IRF2BP2: variants seen among roughly 807,000 people sequenced by gnomAD.
The protein encoded by IRF2BP2 is interferon regulatory factor 2-binding protein 2.
Under a neutral mutation model 32.7 loss-of-function variants are expected in IRF2BP2, and 13 were observed. That is an observed-to-expected ratio of 0.40 (90% confidence interval 0.26 to 0.63). IRF2BP2 has a LOEUF of 0.63. IRF2BP2 is among the 30% of genes least tolerant of loss of function. The pLI is 0.42. For missense variants in IRF2BP2, 980 were observed against 830.6 expected, an observed-to-expected ratio of 1.18 and a Z score of -2.21; for synonymous variants, 555 against 384.6, an observed-to-expected ratio of 1.44 and a Z score of -5.18.
At position 234,608,680 on chromosome 1, in the gene IRF2BP2, C is replaced by A. The variant is rs781552801; in HGVS notation, c.815G>T (p.Ser272Ile). 6.6e-7 allele frequency: 1 copy of A among 1,514,318 alleles called. No homozygotes were observed. Among genetic ancestry groups the A allele is most frequent in the Non-Finnish European group, 8.8e-7 (1 of 1,141,976 alleles). The allele number at this position is 1,514,318 out of a possible 1,614,324, so 93.8% of individuals were successfully genotyped here. A position where few individuals can be genotyped will look rare whatever the true frequency, so the allele number is the denominator to read the frequency against. ...PPPAHRGPAD[S>I]LSTAAGAAEL... ...GGCGGCCCCGGCCGCGGTGGACAGG[C>A]TGTCGGCCGGGCCCCGGTGCGCAGG... The change falls in exon 1 of 2, where the codon AGC (serine) becomes ATC (isoleucine). Residue 272 changes from serine (S) to isoleucine (I), a missense_variant. Physicochemically the swap from Ser to Ile is moderately radical, Grantham distance 142 (BLOSUM62 -2). Coordinates refer to ENST00000366609, the MANE Select transcript of IRF2BP2 (RefSeq NM_182972.3).
At position 234,607,366 on chromosome 1, in the gene IRF2BP2, C is replaced by T. The variant is rs775149952; in HGVS notation, c.1535G>A (p.Arg512Gln). ...APLCCTLCHE[R>Q]LEDTHFVQCP... ...CTGCACAAAATGGGTGTCCTCCAGC[C>T]GCTCGTGGCAGAGGGTGCAGCACAG... The change falls in exon 2 of 2, where the codon CGG becomes CAG. Residue 512 changes from arginine to glutamine, a missense_variant. Physicochemically the swap from Arg to Gln is conservative, Grantham distance 43. Transcript: ENST00000366609. 10 of 1,614,190 alleles carry T rather than the reference C, an allele frequency of 6.2e-6. No individual in the cohort carries two copies. Among genetic ancestry groups the T allele is most frequent in the Non-Finnish European group, 8.5e-6 (10 of 1,180,030 alleles).
Position 234,606,520 on chromosome 1 carries a change from T to A in IRF2BP2, c.*617A>T, listed in dbSNP as rs1437521603. 2 of 151,518 alleles carry A rather than the reference T, an allele frequency of 1.3e-5. No homozygotes were observed. Among genetic ancestry groups the A allele is most frequent in the Non-Finnish European group, 2.9e-5 (2 of 67,990 alleles). 9.4% of individuals were successfully genotyped at this position (151,518 alleles called of 1,614,324 possible). ...AATCCTGAAAATTTCCCAGCAGCAC[T>A]CTCAGTCATCAGTATCTCAGGAACT... On this transcript the variant is annotated 3_prime_UTR_variant, in exon 2 of 2. Coordinates refer to ENST00000366609, the MANE Select transcript of IRF2BP2 (RefSeq NM_182972.3).
rs2102766373 is a variant in IRF2BP2 at position 234,604,845 on chromosome 1, A to C, written c.*2292T>G. ...TTTTAACTTAAAAGAATGCCAGAAA[A>C]CCCAGATCAACACTTTCCAGCTACG... is the stretch of plus-strand genomic sequence containing the variant. On this transcript the variant is annotated 3_prime_UTR_variant, in exon 2 of 2. Coordinates refer to ENST00000366609, the MANE Select transcript of IRF2BP2 (RefSeq NM_182972.3). 6.6e-6 allele frequency: 1 copy of C among 152,272 alleles called. No homozygotes were observed. Among genetic ancestry groups the C allele is most frequent in the South Asian group, 2.1e-4 (1 of 4,828 alleles). The allele number at this position is 152,272 out of a possible 1,614,324, so 9.4% of individuals were successfully genotyped here. A position where few individuals can be genotyped will look rare whatever the true frequency, so the allele number is the denominator to read the frequency against.
rs1672268504 is a variant in IRF2BP2 at position 234,609,164 on chromosome 1, G to A, written c.331C>T (p.Pro111Ser). ...AACGGGTAGCGCTCCAAGGCCTGCG[G>A]CGCGCGCGGGGCCGCCTCGGGGCCG... Reference protein sequence around the residue: ...HGGPEAAPRAPQALERYPLAA... With the variant: ...HGGPEAAPRASQALERYPLAA... Residue 111 changes from proline to serine, a missense_variant, in exon 1 of 2, where the codon CCG becomes TCG. Transcript: ENST00000366609. 14 of 1,272,984 alleles carry A rather than the reference G, an allele frequency of 1.1e-5. No homozygotes were observed. Among genetic ancestry groups the A allele is most frequent in the African/African-American group, 3.1e-5 (2 of 63,810 alleles). The allele number at this position is 1,272,984 out of a possible 1,614,324, so 78.9% of individuals were successfully genotyped here. A position where few individuals can be genotyped will look rare whatever the true frequency, so the allele number is the denominator to read the frequency against.
Position 234,609,948 on chromosome 1 carries a change from G to GGGCGGCC in IRF2BP2, c.-461_-455dup, listed in dbSNP as rs1459957057. Among the ~76,000 whole-genome samples the GGGCGGCC allele has an allele frequency of 2.1e-5, 3 of 141,286 alleles. No homozygotes were observed. The highest frequency in any genetic ancestry group is 5.0e-5 in the African/African-American group (2 of 39,686). 92.7% of individuals were successfully genotyped at this position (141,286 alleles called of 152,430 possible). A position where few individuals can be genotyped will look rare whatever the true frequency, so the allele number is the denominator to read the frequency against. On this transcript the variant is annotated 5_prime_UTR_variant, in exon 1 of 2. Coordinates refer to ENST00000366609, the MANE Select transcript of IRF2BP2 (RefSeq NM_182972.3). ...GGAGGCCGGGGGGGCAGGGGGCGGG[G>GGGCGGCC]GGCGGCCGCCGGGGCAGGCTCAGCC...
rs978909389 is a variant in IRF2BP2 at position 234,608,791 on chromosome 1, T to C, written c.704A>G (p.His235Arg). 3 of 1,433,280 alleles carry C rather than the reference T, an allele frequency of 2.1e-6. No individual in the cohort carries two copies. Among genetic ancestry groups the C allele is most frequent in the African/African-American group, 3.0e-5 (2 of 66,682 alleles). The allele number at this position is 1,433,280 out of a possible 1,614,324, so 88.8% of individuals were successfully genotyped here. ...GCTCGACACGGATGCCGGCCGCTTG[T>C]GGGCGCCCAGATCGGTGGGCTGCGC... is the stretch of plus-strand genomic sequence containing the variant. Reference protein sequence around the residue: ...GSAQPTDLGAHKRPASVSSSA... With the variant: ...GSAQPTDLGARKRPASVSSSA... The change falls in exon 1 of 2, where the codon CAC becomes CGC. Residue 235 changes from histidine (H) to arginine (R), a missense_variant. His to Arg is a conservative substitution (Grantham distance 29). Coordinates refer to ENST00000366609, the MANE Select transcript of IRF2BP2 (RefSeq NM_182972.3).
rs915036601 is a variant in IRF2BP2, at chr1:234,609,929, C to A, written c.-435G>T. Among the ~76,000 whole-genome samples the A allele has an allele frequency of 1.1e-3, 14 of 13,200 alleles. No homozygotes were observed. Among genetic ancestry groups the A allele is most frequent in the African/African-American group, 3.8e-3 (14 of 3,708 alleles). The allele number at this position is 13,200 out of a possible 152,430, so 8.7% of individuals were successfully genotyped here. ...AGTGCGGGGCGGGGGGCGGGGAGGC[C>A]GGGGGGGCAGGGGGCGGGGGGCGGC... On this transcript the variant is annotated 5_prime_UTR_variant, in exon 1 of 2. Transcript: ENST00000366609.
rs1308735942 is a variant in IRF2BP2 at position 234,607,592 on chromosome 1, C to T, written c.1309G>A (p.Gly437Ser). The T allele has an allele frequency of 8.1e-6, 13 of 1,614,078 alleles. No individual in the cohort carries two copies. In the Admixed American group the frequency reaches 1.5e-4, roughly 19 times the overall value. Residue 437 changes from glycine (G) to serine (S), a missense_variant, in exon 2 of 2, where the codon GGC becomes AGC. Gly to Ser is a moderately conservative substitution (Grantham distance 56). Coordinates refer to ENST00000366609, the MANE Select transcript of IRF2BP2 (RefSeq NM_182972.3). ...ALILVADNAG[G>S]SHASKDANQV... ...TTGGCATCTTTTGAGGCATGACTGC[C>T]CCCTGCATTGTCTGCTACTAAGATC...
In IRF2BP2 at chr1:234,604,420, T is replaced by C. The variant is rs1306239497; in HGVS notation, c.*2717A>G. On this transcript the variant is annotated 3_prime_UTR_variant, in exon 2 of 2. Transcript: ENST00000366609. The stretch of plus-strand genomic sequence containing the variant: ...GTATCTGAGATTACACTCACTTCAG[T>C]TGACATGAGTTTCATCATATATAGA... 2 of 152,224 alleles carry C rather than the reference T, an allele frequency of 1.3e-5. No homozygotes were observed. Among genetic ancestry groups the C allele is most frequent in the Non-Finnish European group, 2.9e-5 (2 of 68,040 alleles). 9.4% of individuals were successfully genotyped at this position (152,224 alleles called of 1,614,324 possible).
chr1:234,608,401 G>A (rs533129844), intron 1 of IRF2BP2, 46 bp downstream of exon 1: 24 of 1,367,590 alleles, frequency 1.8e-5, no homozygotes, highest in Middle Eastern at 1.9e-4. Context: ...TCTGCTCTCC[G>A]TCCCCTTTTC....
rs768022929 is a variant in IRF2BP2, at chr1:234,605,064, A to C, written c.*2073T>G. ...CAAAACGGCAGGATGGTTCTGTATTAATCTTTTTGGAAAGCATGTCTGTAT... is the reference window on the plus strand; with the variant it reads ...CAAAACGGCAGGATGGTTCTGTATTCATCTTTTTGGAAAGCATGTCTGTAT... On this transcript the variant is annotated 3_prime_UTR_variant, in exon 2 of 2. Coordinates refer to ENST00000366609, the MANE Select transcript of IRF2BP2 (RefSeq NM_182972.3). 6.6e-5 allele frequency: 10 copies of C among 152,258 alleles called. No homozygotes were observed. In the East Asian group the frequency reaches 1.9e-3, roughly 29 times the overall value. 9.4% of individuals were successfully genotyped at this position (152,258 alleles called of 1,614,324 possible).
chr1:234,607,719 T>G lies in IRF2BP2; in HGVS notation c.1182A>C (p.Thr394=), dbSNP rs745913020. Residue 394 remains threonine (T), a synonymous_variant, in exon 2 of 2, where the codon ACA becomes ACC. Coordinates refer to ENST00000366609, the MANE Select transcript of IRF2BP2 (RefSeq NM_182972.3). ...GTGGTGGCGGAGACACAAAAGAGGA[T>G]GTAGGAGTCATGGGGATCTTGAGCC... is the stretch of plus-strand genomic sequence containing the variant. ...TEGLKIPMTP[T]SSFVSPPPPT... is the part of the protein sequence containing the mutation. 7.4e-6 allele frequency: 12 copies of G among 1,613,992 alleles called. No homozygotes were observed. The highest frequency in any genetic ancestry group is 2.2e-5 in the East Asian group (1 of 44,896).
At position 234,607,312 on chromosome 1, in the gene IRF2BP2, C is replaced by G. The variant is rs1237098315; in HGVS notation, c.1589G>C (p.Cys530Ser). 1 of 1,614,248 alleles carries G rather than the reference C, an allele frequency of 6.2e-7. No homozygotes were observed. Among genetic ancestry groups the G allele is most frequent in the South Asian group, 1.1e-5 (1 of 91,092 alleles). ...QCPSVPSHKF[C>S]FPCSRQSIKQ... is the part of the protein sequence containing the mutation. ...GATGCTTTGTCTGGAGCAAGGGAAG[C>G]AGAACTTGTGCGAAGGGACGGACGG... is the stretch of plus-strand genomic sequence containing the variant. The change falls in exon 2 of 2, where the codon TGC (cysteine) becomes TCC (serine). Residue 530 changes from cysteine (C) to serine (S), a missense_variant. Cys to Ser is a moderately radical substitution (Grantham distance 112). Coordinates refer to ENST00000366609, the MANE Select transcript of IRF2BP2 (RefSeq NM_182972.3).
Position 234,608,655 on chromosome 1 carries a change from G to C in IRF2BP2, c.840C>G (p.Ala280=), listed in dbSNP as rs1672242312. 6 of 1,534,850 alleles carry C rather than the reference G, an allele frequency of 3.9e-6. No individual in the cohort carries two copies. The highest frequency in any genetic ancestry group is 5.2e-6 in the Non-Finnish European group (6 of 1,149,800). ...ADSLSTAAGA[A]ELSAEGAGKS... ...TGCCCGCACCTTCCGCGCTCAGCTC[G>C]GCGGCCCCGGCCGCGGTGGACAGGC... Residue 280 remains alanine, a synonymous_variant, in exon 1 of 2, where the codon GCC becomes GCG. Transcript: ENST00000366609.
rs1325969667 is a variant in IRF2BP2 at position 234,609,336 on chromosome 1, G to T, written c.159C>A (p.Ile53=). 2.0e-6 allele frequency: 3 copies of T among 1,530,812 alleles called. No homozygotes were observed. Among genetic ancestry groups the T allele is most frequent in the Middle Eastern group, 4.0e-4 (2 of 4,950 alleles). The allele number at this position is 1,530,812 out of a possible 1,614,324, so 94.8% of individuals were successfully genotyped here. A position where few individuals can be genotyped will look rare whatever the true frequency, so the allele number is the denominator to read the frequency against. Residue 53 remains isoleucine (I), a synonymous_variant, in exon 1 of 2, where the codon ATC becomes ATA. Transcript: ENST00000366609. Reference sequence around the variant, plus strand: ...CCCGCTTGAGCTGCCGCGCCGTCTCGATGACGAACTCGACGCGGTCGGCGC... The same window carrying T: ...CCCGCTTGAGCTGCCGCGCCGTCTCTATGACGAACTCGACGCGGTCGGCGC... The part of the protein sequence containing the change: ...YEGADRVEFV[I]ETARQLKRAH...
At position 234,608,773 on chromosome 1, in the gene IRF2BP2, A is replaced by G; in HGVS notation, c.722T>C (p.Val241Ala). ...DLGAHKRPAS[V>A]SSSAAVEHEQ... ...GTGCTCCACGGCAGCGCTGCTCGACACGGATGCCGGCCGCTTGTGGGCGCC... is the reference window on the plus strand; with the variant it reads ...GTGCTCCACGGCAGCGCTGCTCGACGCGGATGCCGGCCGCTTGTGGGCGCC... The change falls in exon 1 of 2, where the codon GTG becomes GCG. Residue 241 changes from valine (V) to alanine (A), a missense_variant. By Grantham distance (64) the Val-to-Ala change is moderately conservative (BLOSUM62 0). Coordinates refer to ENST00000366609, the MANE Select transcript of IRF2BP2 (RefSeq NM_182972.3). The G allele has an allele frequency of 6.9e-7, 1 of 1,457,796 alleles. No homozygotes were observed. The highest frequency in any genetic ancestry group is 9.0e-7 in the Non-Finnish European group (1 of 1,113,894). 90.3% of individuals were successfully genotyped at this position (1,457,796 alleles called of 1,614,324 possible).
intron 1 of IRF2BP2, chr1:234,608,237 C>A: frequency 1.9e-6 from 1 of 538,202 alleles, no homozygotes. Context: ...CGTGTCAGAG[C>A]GTATCAGCCC....
rs895195196 is a variant in IRF2BP2, at chr1:234,610,107, G to T, written c.-613C>A. On this transcript the variant is annotated 5_prime_UTR_variant, in exon 1 of 2. Transcript: ENST00000366609. ...GCCGCTCTCCAGCGCCAGCGTCAGC[G>T]GCCAGCCCGCCTCAGCTCCGCCGCC... Among the ~76,000 whole-genome samples, 1 of 148,146 alleles carries T rather than the reference G, an allele frequency of 6.8e-6. No homozygotes were observed. The highest frequency in any genetic ancestry group is 1.5e-5 in the Non-Finnish European group (1 of 66,398).
At position 234,607,635 on chromosome 1, in the gene IRF2BP2, C is replaced by G; in HGVS notation, c.1266G>C (p.Gln422His). Reference protein sequence around the residue: ...TTPPEAAQNGQSPMAALILVA... With the variant: ...TTPPEAAQNGHSPMAALILVA... The stretch of plus-strand genomic sequence containing the variant: ...CTAAGATCAGGGCTGCCATGGGGGA[C>G]TGGCCATTCTGGGCCGCTTCAGGCG... The change falls in exon 2 of 2, where the codon CAG (glutamine) becomes CAC (histidine). Residue 422 changes from glutamine to histidine, a missense_variant. Physicochemically the swap from Gln to His is conservative, Grantham distance 24 (BLOSUM62 0). Transcript: ENST00000366609. The G allele has an allele frequency of 6.2e-7, 1 of 1,614,244 alleles. No individual in the cohort carries two copies. The highest frequency in any genetic ancestry group is 2.2e-5 in the East Asian group (1 of 44,892).
Sources: gnomAD v4.1 joint callset for allele counts (sites outside exome capture counted in the v4.1 genomes callset) on GRCh38, gnomAD v4.1.1 for gene constraint, MANE v1.5 for transcripts, NCBI Gene and HGNC (gene_info 2026-07-23, HGNC 2026-07-21) for gene names.